The following CSMD1 variants were observed in gnomAD, a reference collection of about 807,000 sequenced individuals.
The protein encoded by CSMD1 is CUB and Sushi multiple domains 1.
Under a neutral mutation model 417.5 loss-of-function variants are expected in CSMD1, and 213 were observed. The observed-to-expected ratio is 0.51, with a 90% confidence interval of 0.46 to 0.57. The LOEUF (loss-of-function observed/expected upper bound fraction) is 0.57. Ranked by LOEUF, CSMD1 falls within the 20% of genes least tolerant of loss-of-function variation. CSMD1 has a pLI of 0.00. For synonymous variants in CSMD1, 2,862 were observed against 1,736.8 expected (o/e 1.65, Z -16.11); for missense variants, 6,923 against 4,529.7 (o/e 1.53, Z -15.17).
At chr8:3,829,735 A>G (rs994514476) in intron 5 of CSMD1, among the ~76,000 whole-genome samples, 2 of 152,212 alleles carry the variant, frequency 1.3e-5, no homozygotes, top group Non-Finnish European at 2.9e-5. Flanking sequence ...AGCAGTTCTC[A>G]AAATTCTCAT....
At chr8:4,834,682 T>C (rs1157812780) in intron 1 of CSMD1, among the ~76,000 whole-genome samples, 3 of 150,568 alleles carry the variant, frequency 2.0e-5, no homozygotes, top group African/African-American at 4.9e-5. Context: ...AAAGGCCAGG[T>C]GCGGTGGCTC....
chr8:3,417,264 G>A (rs74329247), intron 12 of CSMD1, among the ~76,000 whole-genome samples: 1 of 152,102 alleles, frequency 6.6e-6, no homozygotes, highest in African/African-American at 2.4e-5. Context: ...GTTTGCTACT[G>A]GATTGCAATT....
chr8:3,538,480 C>T (rs1174848529), intron 10 of CSMD1, among the ~76,000 whole-genome samples: 1 of 152,094 alleles, frequency 6.6e-6, no homozygotes, highest in African/African-American at 2.4e-5. Flanking sequence ...GATGATACAC[C>T]TGAGATGCCT....
chr8:4,457,414 C>A (rs1009115769), intron 2 of CSMD1, among the ~76,000 whole-genome samples: 11 of 151,938 alleles, frequency 7.2e-5, no homozygotes, highest in African/African-American at 2.7e-4. Context: ...TTACTAAACT[C>A]AGGGGAGTGA....
At chr8:3,830,625 A>G (rs1802323036) in intron 5 of CSMD1, among the ~76,000 whole-genome samples, 1 of 152,178 alleles carries the variant, frequency 6.6e-6, no homozygotes, top group Non-Finnish European at 1.5e-5. Flanking sequence ...TATTGATTTA[A>G]TGCTCTGCCA....
intron 12 of CSMD1, among the ~76,000 whole-genome samples, chr8:3,444,155 G>A (rs758932544): frequency 3.2e-4 from 49 of 152,220 alleles, no homozygotes; most frequent in Non-Finnish European, 4.6e-4. Context: ...GATTAATATT[G>A]TAAGTGTCCA....
intron 2 of CSMD1, among the ~76,000 whole-genome samples, chr8:4,527,040 T>C (rs1428432725): frequency 6.6e-6 from 1 of 152,182 alleles, no homozygotes; most frequent in Non-Finnish European, 1.5e-5. Flanking sequence ...ATTTCATATT[T>C]TTCTTTCCCT....
At chr8:3,589,411 C>G (rs1238808704) in intron 8 of CSMD1, among the ~76,000 whole-genome samples, 1 of 150,712 alleles carries the variant, frequency 6.6e-6, no homozygotes, top group South Asian at 2.1e-4. Flanking sequence ...TGTGTTCACG[C>G]GTGTGTGTAC....
intron 18 of CSMD1, among the ~76,000 whole-genome samples, chr8:3,384,411 T>C (rs1462028573): frequency 6.6e-6 from 1 of 151,732 alleles, no homozygotes; most frequent in Non-Finnish European, 1.5e-5. Flanking sequence ...TAAATTAAGT[T>C]TCTGTACAGA....
chr8:4,895,278 T>G (rs1321635504), intron 1 of CSMD1, among the ~76,000 whole-genome samples: 4 of 152,114 alleles, frequency 2.6e-5, no homozygotes, highest in Admixed American at 6.5e-5. Context: ...TGTGTTACGA[T>G]TATGAAAATG....
chr8:4,895,656 C>T (rs566060082), intron 1 of CSMD1, among the ~76,000 whole-genome samples: 1 of 151,746 alleles, frequency 6.6e-6, no homozygotes, highest in Non-Finnish European at 1.5e-5. Flanking sequence ...TGATGAGGCT[C>T]CTTTTTCCAA....
intron 3 of CSMD1, among the ~76,000 whole-genome samples, chr8:4,298,215 G>A (rs764971201): frequency 6.6e-6 from 1 of 152,152 alleles, no homozygotes. Flanking sequence ...CCAAAATAAT[G>A]CCAATCTTTG....
chr8:3,525,508 C>T (rs1249608233), intron 10 of CSMD1, among the ~76,000 whole-genome samples: 1 of 152,096 alleles, frequency 6.6e-6, no homozygotes, highest in Non-Finnish European at 1.5e-5. Context: ...AACGCAGTAC[C>T]CTGACACTGA....
intron 1 of CSMD1, among the ~76,000 whole-genome samples, chr8:4,877,034 G>C (rs79507238): frequency 0.012 from 1,877 of 151,850 alleles, 20 homozygotes; most frequent in Non-Finnish European, 0.022. Flanking sequence ...AAAATAAAAG[G>C]CATCCTCCTT....
chr8:4,184,485 G>C (rs1255511804), intron 3 of CSMD1, among the ~76,000 whole-genome samples: 1 of 152,058 alleles, frequency 6.6e-6, no homozygotes, highest in Non-Finnish European at 1.5e-5. Context: ...TGGCAGACTG[G>C]ATAAAGAAAA....
rs57521795 is a variant in CSMD1, at chr8:3,231,259, T to C, written c.4154-1028A>G. ...ATTTTTTCTCATTTTTACTTTCAGT[T>C]AGAATAACGAGCTCTTTCTTCCACT... On this transcript the variant is annotated intron_variant, in intron 26 of 69. Coordinates refer to ENST00000635120, the MANE Select transcript of CSMD1 (RefSeq NM_033225.6). Among the ~76,000 whole-genome samples, 342 of 152,316 alleles carry C rather than the reference T, an allele frequency of 2.2e-3. 7 individuals carry two copies. The East Asian group carries it at 0.043, about 19-fold the overall frequency.
chr8:4,664,613 G>T (rs913342969), intron 1 of CSMD1, among the ~76,000 whole-genome samples: 4 of 152,050 alleles, frequency 2.6e-5, no homozygotes, highest in African/African-American at 7.2e-5. Flanking sequence ...TAAAGGAAAA[G>T]AAAATGTTTT....
intron 1 of CSMD1, among the ~76,000 whole-genome samples, chr8:4,921,705 T>G (rs145389021): frequency 6.6e-6 from 1 of 152,196 alleles, no homozygotes; most frequent in African/African-American, 2.4e-5. Flanking sequence ...GGAATGTGTA[T>G]GCAATGTTTA....
chr8:3,108,219 C>G (rs943685674), intron 44 of CSMD1, among the ~76,000 whole-genome samples: 1 of 152,104 alleles, frequency 6.6e-6, no homozygotes, highest in Non-Finnish European at 1.5e-5. Context: ...TTCTACATAT[C>G]GTTTAGAGTG....
Sources: gnomAD v4.1 joint callset for allele counts (sites outside exome capture counted in the v4.1 genomes callset) on GRCh38, gnomAD v4.1.1 for gene constraint, MANE v1.5 for transcripts, NCBI Gene and HGNC (gene_info 2026-07-23, HGNC 2026-07-21) for gene names.